The following RBBP8NL variants were observed in gnomAD, a reference collection of about 807,000 sequenced individuals.
RBBP8NL encodes RBBP8 N-terminal-like protein.
RBBP8NL carries 59 observed loss-of-function variants against 62.2 expected under a neutral mutation model. That is an observed-to-expected ratio of 0.95 (90% CI 0.77 to 1.18). The LOEUF (loss-of-function observed/expected upper bound fraction) is 1.18, where lower values mean the gene tolerates loss of function less well. Ranked by LOEUF, RBBP8NL falls within the 50% of genes most tolerant of loss-of-function variation. RBBP8NL has a pLI of 0.00. For missense variants in RBBP8NL, 896 were observed against 899.5 expected, an observed-to-expected ratio of 1.00 and a Z score of 0.05; for synonymous variants, 412 against 394.1, an observed-to-expected ratio of 1.05 and a Z score of -0.54.
chr20:62,420,386 A>ACACG (rs1988674259), intron 1 of RBBP8NL, among the ~76,000 whole-genome samples: 1 of 150,052 alleles, frequency 6.7e-6, no homozygotes, highest in Admixed American at 6.6e-5. Context: ...ACACACACAC[A>ACACG]CACACACAGA....
At chr20:62,420,381 C>CAT (rs1233223888) in intron 1 of RBBP8NL, among the ~76,000 whole-genome samples, 2 of 147,832 alleles carry the variant, frequency 1.4e-5, no homozygotes, top group Admixed American at 6.7e-5. Flanking sequence ...CACACACACA[C>CAT]ACACACACAC....
Position 62,415,900 on chromosome 20 carries a change from G to T in RBBP8NL, c.432C>A (p.Pro144=), listed in dbSNP as rs770023127. 2 of 1,589,308 alleles carry T rather than the reference G, an allele frequency of 1.3e-6. No individual in the cohort carries two copies. Among genetic ancestry groups the T allele is most frequent in the Non-Finnish European group, 8.5e-7 (1 of 1,169,702 alleles). Residue 144 remains proline, a synonymous_variant, in exon 7 of 14, where the codon CCC becomes CCA. Coordinates refer to ENST00000252998, the MANE Select transcript of RBBP8NL (RefSeq NM_080833.3). ...PRAKEGTSDP[P]SPLLLPSPGG... ...CAGGGGAGGGGAGCAGCAGGGGTGAGGGGGGGTCCGAGGTGCCCTCCTTGG... is the reference window on the plus strand; with the variant it reads ...CAGGGGAGGGGAGCAGCAGGGGTGATGGGGGGTCCGAGGTGCCCTCCTTGG...
intron 1 of RBBP8NL, among the ~76,000 whole-genome samples, chr20:62,424,548 G>A (rs901107354): frequency 2.0e-5 from 3 of 152,168 alleles, no homozygotes; most frequent in South Asian, 2.1e-4. Context: ...AAGGGGCGAC[G>A]TGCTGCTCTC....
chr20:62,413,345 C>G, intron 11 of RBBP8NL, 56 bp downstream of exon 11: 1 of 1,371,736 alleles, frequency 7.3e-7, no homozygotes, highest in Non-Finnish European at 9.4e-7. Context: ...ACCACCCTCT[C>G]TCTCCGTGGG....
At position 62,414,490 on chromosome 20, in the gene RBBP8NL, G is replaced by A. The variant is rs1204874987; in HGVS notation, c.861C>T (p.Asp287=). 1 of 1,462,702 alleles carries A rather than the reference G, an allele frequency of 6.8e-7. No homozygotes were observed. The highest frequency in any genetic ancestry group is 2.4e-5 in the East Asian group (1 of 41,420). 90.6% of individuals were successfully genotyped at this position (1,462,702 alleles called of 1,614,324 possible). ...GGGGGCGGTTTAGGAGGCAGAGCCG[G>A]TCCACCTTCGGGGAGAGCTTCGGGG... ...HEAPKLSPKV[D]RLCLLNRPLS... Residue 287 remains aspartate (D), a synonymous_variant, in exon 10 of 14, where the codon GAC becomes GAT. Coordinates refer to ENST00000252998, the MANE Select transcript of RBBP8NL (RefSeq NM_080833.3).
intron 2 of RBBP8NL, among the ~76,000 whole-genome samples, chr20:62,418,857 C>T (rs903897779): frequency 6.6e-6 from 1 of 152,192 alleles, no homozygotes; most frequent in African/African-American, 2.4e-5. Flanking sequence ...AGACCCTCTC[C>T]TTGCCGTATC....
At chr20:62,424,910 G>T (rs1988775745) in intron 1 of RBBP8NL, among the ~76,000 whole-genome samples, 1 of 152,196 alleles carries the variant, frequency 6.6e-6, no homozygotes, top group Non-Finnish European at 1.5e-5. Context: ...AGCTGGCTGG[G>T]GCGGGGCAGG....
chr20:62,418,213 C>T (rs1189426348), intron 3 of RBBP8NL, among the ~76,000 whole-genome samples: 1 of 152,214 alleles, frequency 6.6e-6, no homozygotes, highest in East Asian at 1.9e-4. Context: ...TGCCCCGCCC[C>T]TGGGAGGCCG....
chr20:62,416,472 C>T (rs1988568967), intron 5 of RBBP8NL, among the ~76,000 whole-genome samples: 1 of 152,218 alleles, frequency 6.6e-6, no homozygotes. Flanking sequence ...AGGAGGGCCA[C>T]TGGGGCCTCA....
Position 62,419,759 on chromosome 20 carries a change from C to T in RBBP8NL, c.-83-29G>A, listed in dbSNP as rs1313783760. 1.5e-5 allele frequency: 18 copies of T among 1,212,518 alleles called. No homozygotes were observed. The East Asian group carries it at 4.3e-4, about 29-fold the overall frequency. The allele number at this position is 1,212,518 out of a possible 1,614,324, so 75.1% of individuals were successfully genotyped here. A position where few individuals can be genotyped will look rare whatever the true frequency, so the allele number is the denominator to read the frequency against. On this transcript the variant is annotated intron_variant, in intron 1 of 13. Transcript: ENST00000252998. ...AAGAGGAGGAAGAGGGGACAGGGAT[C>T]CGCTCAGGAAGGGCTTGTGGGCTGT...
In RBBP8NL at chr20:62,419,508, G is replaced by A. The variant is rs1278622533; in HGVS notation, c.61+79C>T. ...GTGGGAATTGGAGGTGATCATGGGTGCACAGTGGCCTGCTCCGACCCTTAG... is the reference window on the plus strand; with the variant it reads ...GTGGGAATTGGAGGTGATCATGGGTACACAGTGGCCTGCTCCGACCCTTAG... On this transcript the variant is annotated intron_variant, in intron 2 of 13. Transcript: ENST00000252998. The A allele has an allele frequency of 4.2e-6, 6 of 1,445,330 alleles. No individual in the cohort carries two copies. In the Admixed American group the frequency reaches 8.6e-5, roughly 21 times the overall value. 89.5% of individuals were successfully genotyped at this position (1,445,330 alleles called of 1,614,324 possible).
chr20:62,422,732 C>A (rs1988735227), intron 1 of RBBP8NL, among the ~76,000 whole-genome samples: 1 of 145,648 alleles, frequency 6.9e-6, no homozygotes. Context: ...TCTTGCCGAG[C>A]CCTTGCACCT....
Position 62,416,360 on chromosome 20 carries a change from G to T in RBBP8NL, c.314-124C>A, listed in dbSNP as rs541022174. 1.1e-5 allele frequency: 9 copies of T among 830,228 alleles called. No individual in the cohort carries two copies. In the Admixed American group the frequency reaches 1.9e-4, roughly 17 times the overall value. 51.4% of individuals were successfully genotyped at this position (830,228 alleles called of 1,614,324 possible). On this transcript the variant is annotated intron_variant, in intron 5 of 13. Transcript: ENST00000252998. ...CCAGCACGTAGCCCAGGGCCTGGCA[G>T]GCAGCAGGGGCGCCGTGGATGCTGG...
At chr20:62,418,565 C>T in intron 2 of RBBP8NL, 100 bp from the exon 3 acceptor site, 1 of 1,196,778 alleles carries the variant, frequency 8.4e-7, no homozygotes, top group Non-Finnish European at 1.2e-6. Context: ...TGTGGCACTC[C>T]TGTCCCCTGC....
intron 5 of RBBP8NL, 43 bp from the exon 6 acceptor site, chr20:62,416,279 G>A: frequency 3.2e-6 from 4 of 1,247,612 alleles, no homozygotes; most frequent in South Asian, 2.5e-5. Flanking sequence ...GGGTTGGGGG[G>A]GACAGGGGCA....
At position 62,414,295 on chromosome 20, in the gene RBBP8NL, C is replaced by T. The variant is rs912385057; in HGVS notation, c.1056G>A (p.Glu352=). Residue 352 remains glutamate (E), a synonymous_variant, in exon 10 of 14, where the codon GAG becomes GAA. Transcript: ENST00000252998. The part of the protein sequence containing the change: ...ALAGMQDLRL[E]GALHLLLAQQ... ...GGGCCAGGAGCAGGTGCAGTGCCCC[C>T]TCCAGGCGAAGGTCCTGCATGCCCG... 6 of 1,573,662 alleles carry T rather than the reference C, an allele frequency of 3.8e-6. No homozygotes were observed. The highest frequency in any genetic ancestry group is 5.2e-6 in the Non-Finnish European group (6 of 1,161,786).
intron 1 of RBBP8NL, 124 bp from the exon 2 acceptor site, chr20:62,419,854 A>C (rs1988661821): frequency 1.8e-6 from 1 of 571,306 alleles, no homozygotes; most frequent in South Asian, 2.3e-5. Context: ...TGTAGGGGCT[A>C]CTCATGGGAG....
chr20:62,419,851 G>A, intron 1 of RBBP8NL, 121 bp from the exon 2 acceptor site: 2 of 580,204 alleles, frequency 3.4e-6, no homozygotes, highest in East Asian at 3.0e-5. Flanking sequence ...TGCTGTAGGG[G>A]CTACTCATGG....
chr20:62,413,595 C>A, intron 10 of RBBP8NL, 50 bp from the exon 11 acceptor site: 1 of 1,495,292 alleles, frequency 6.7e-7, no homozygotes, highest in Non-Finnish European at 8.9e-7. Flanking sequence ...GACTTCCTTG[C>A]CGCCAACTCA....
Sources: gnomAD v4.1 joint callset for allele counts (sites outside exome capture counted in the v4.1 genomes callset) on GRCh38, gnomAD v4.1.1 for gene constraint, MANE v1.5 for transcripts, NCBI Gene and HGNC (gene_info 2026-07-23, HGNC 2026-07-21) for gene names.